Variants in PRAMEF20 observed in about 807,000 individuals in gnomAD.
PRAMEF20 encodes the protein PRAME family member 20.
Under a neutral mutation model 32.4 loss-of-function variants are expected in PRAMEF20, and 27 were observed. That is an observed-to-expected ratio of 0.83 (90% confidence interval 0.61 to 1.15). The LOEUF is 1.15. Ranked by LOEUF, PRAMEF20 falls within the 50% of genes most tolerant of loss-of-function variation. The pLI is 0.00. For synonymous variants in PRAMEF20, 256 were observed against 235.4 expected (o/e 1.09, Z -0.80); for missense variants, 604 against 584.5 (o/e 1.03, Z -0.34).
At chr1:13,418,767 A>C (rs1641212139) in intron 2 of PRAMEF20, 67 bp downstream of exon 3, 24 of 1,607,636 alleles carry the variant, frequency 1.5e-5, no homozygotes, top group Non-Finnish European at 2.0e-5. Flanking sequence ...GGGGGCATCT[A>C]CTGTGAGCCA....
At chr1:13,410,481 T>A in the PRAMEF20 span, 1 of 152,056 alleles carries the variant, frequency 6.6e-6, no homozygotes, top group Non-Finnish European at 1.5e-5. Flanking sequence ...AGTTTCTGCT[T>A]GGTTTTTCCT....
chr1:13,413,998 C>A (rs1641137401), upstream of PRAMEF20, among the ~76,000 whole-genome samples: 1 of 151,948 alleles, frequency 6.6e-6, no homozygotes, highest in Non-Finnish European at 1.5e-5. Flanking sequence ...TTGGTTTTTG[C>A]CATTTCAAAA....
In PRAMEF20 at chr1:13,418,636, T is replaced by C. The variant is rs1422011961; in HGVS notation, c.802T>C (p.Cys268Arg). 7.3e-5 allele frequency: 118 copies of C among 1,613,870 alleles called. 1 individual carries two copies. The East Asian group carries it at 2.6e-3, about 36-fold the overall frequency. The change falls in exon 2 of 3, where the codon TGC (cysteine) becomes CGC (arginine). Residue 268 changes from cysteine (C) to arginine (R), a missense_variant. Coordinates refer to ENST00000602960, the Ensembl canonical transcript of PRAMEF20. ...CACCACTCAGTTCCTCAAGCTGCGC[T>C]GCCTCCAAAAGCTTTATATGAACTC...
chr1:13,414,723 T>C (rs2100430278), upstream of PRAMEF20, among the ~76,000 whole-genome samples: 1 of 151,808 alleles, frequency 6.6e-6, no homozygotes, highest in South Asian at 2.1e-4. Flanking sequence ...CTGCAGCCTC[T>C]CAAAGTGCTG....
At chr1:13,420,743 C>T in exon 3 of PRAMEF20, 1 of 1,613,916 alleles carries the variant, frequency 6.2e-7, no homozygotes, top group Non-Finnish European at 8.5e-7. Flanking sequence ...TAACTGTGTG[C>T]TTTTGGAATC....
At chr1:13,412,866 G>A (rs1040541447), upstream of PRAMEF20, among the ~76,000 whole-genome samples, 2 of 151,742 alleles carry the variant, frequency 1.3e-5, no homozygotes, top group African/African-American at 4.8e-5. Flanking sequence ...GGAGGTTACA[G>A]TGAGCCAAAA....
At chr1:13,416,249 A>G, upstream of PRAMEF20, 1 of 1,589,264 alleles carries the variant, frequency 6.3e-7, no homozygotes, top group Non-Finnish European at 8.6e-7. Flanking sequence ...CCATTGCCAG[A>G]GCAATGACTT....
intron 2 of PRAMEF20, 117 bp downstream of exon 3, chr1:13,418,817 C>T: frequency 1.3e-6 from 2 of 1,555,270 alleles, no homozygotes; most frequent in Non-Finnish European, 1.7e-6. Context: ...ACTAGAATGT[C>T]AGTGCATTTT....
chr1:13,414,128 G>A (rs893040480), upstream of PRAMEF20, among the ~76,000 whole-genome samples: 5 of 151,720 alleles, frequency 3.3e-5, no homozygotes, highest in Admixed American at 6.6e-5. Flanking sequence ...TGCAACCTCC[G>A]ACTCTCTGGT....
chr1:13,414,862 C>T (rs1406342713), upstream of PRAMEF20, among the ~76,000 whole-genome samples: 1 of 152,080 alleles, frequency 6.6e-6, no homozygotes, highest in Non-Finnish European at 1.5e-5. Flanking sequence ...TGGAGTGGCT[C>T]AATCTCAGCT....
chr1:13,418,159 A>C (rs903458089), exon 2 of PRAMEF20: 3 of 1,610,192 alleles, frequency 1.9e-6, no homozygotes, highest in South Asian at 2.2e-5. Context: ...ACAGGATGTC[A>C]GTGAGAACTT....
At chr1:13,412,159 A>G (rs1051593791), upstream of PRAMEF20, among the ~76,000 whole-genome samples, 1 of 151,982 alleles carries the variant, frequency 6.6e-6, no homozygotes, top group African/African-American at 2.4e-5. Context: ...CTGCGATTAG[A>G]GGCATGAGCC....
At chr1:13,413,675 C>T (rs1641134813), upstream of PRAMEF20, among the ~76,000 whole-genome samples, 1 of 151,960 alleles carries the variant, frequency 6.6e-6, no homozygotes, top group Non-Finnish European at 1.5e-5. Context: ...AAGGTGTTTT[C>T]TGATTGGCAA....
In PRAMEF20 at chr1:13,416,642, G is replaced by A. The variant is rs4661500; in HGVS notation, c.287+1G>A. 10 of 1,614,010 alleles carry A rather than the reference G, an allele frequency of 6.2e-6. No individual in the cohort carries two copies. Among genetic ancestry groups the A allele is most frequent in the Admixed American group, 1.7e-5 (1 of 60,002 alleles). On this transcript the variant is annotated splice_donor_variant, in intron 1 of 2. Coordinates refer to ENST00000602960, the Ensembl canonical transcript of PRAMEF20. LOFTEE classifies it high-confidence loss of function. ...TGCTTACCCACAGGGTTCGTCTCAG[G>A]TGAGGTGGCCCAAGTGGGCTGGTGG...
At chr1:13,415,003 T>C (rs1641154809), upstream of PRAMEF20, among the ~76,000 whole-genome samples, 1 of 150,778 alleles carries the variant, frequency 6.6e-6, no homozygotes, top group Non-Finnish European at 1.5e-5. Context: ...TTTCACCATA[T>C]TGGTCAGGCT....
chr1:13,410,786 A>G, the PRAMEF20 span, among the ~76,000 whole-genome samples: 1 of 152,020 alleles, frequency 6.6e-6, no homozygotes, highest in African/African-American at 2.4e-5. Context: ...TCGGAGGTCA[A>G]TGTGGGAGGA....
At chr1:13,411,655 GTTTGGGATGCCTTAGAAT>G (rs1641115591), upstream of PRAMEF20, among the ~76,000 whole-genome samples, 2 of 152,160 alleles carry the variant, frequency 1.3e-5, no homozygotes, top group South Asian at 4.1e-4. Flanking sequence ...CAGAGGCTTT[GTTTGGGATGCCTTAGAAT>G]TTTGAGAACC....
At chr1:13,414,459 T>C (rs1027488979), upstream of PRAMEF20, among the ~76,000 whole-genome samples, 1 of 152,090 alleles carries the variant, frequency 6.6e-6, no homozygotes, top group Non-Finnish European at 1.5e-5. Flanking sequence ...GTTTTCCTTT[T>C]TACTAAAAGT....
At chr1:13,416,482 C>T in exon 1 of PRAMEF20, 2 of 1,614,128 alleles carry the variant, frequency 1.2e-6, no homozygotes, top group Non-Finnish European at 1.7e-6. Context: ...TTCATGGAGG[C>T]CTTCAGCAGG....
Sources: gnomAD v4.1 joint callset for allele counts (sites outside exome capture counted in the v4.1 genomes callset) on GRCh38, gnomAD v4.1.1 for gene constraint, MANE v1.5 for transcripts, NCBI Gene and HGNC (gene_info 2026-07-23, HGNC 2026-07-21) for gene names.